PRKCB: variants seen among roughly 807,000 people sequenced by gnomAD.
The protein encoded by PRKCB is protein kinase C beta type.
A neutral mutation model predicts 81.5 loss-of-function variants in PRKCB; 13 were observed. The observed-to-expected ratio is 0.16, with a 90% CI of 0.10 to 0.25. The LOEUF (loss-of-function observed/expected upper bound fraction) is 0.25, where lower values mean the gene tolerates loss of function less well. Among genes scored for constraint, PRKCB ranks in the 10% least tolerant of loss-of-function variants. The pLI is 1.00. For missense variants in PRKCB, 509 were observed against 875.7 expected, an observed-to-expected ratio of 0.58 and a Z score of 5.29; for synonymous variants, 335 against 321.4, an observed-to-expected ratio of 1.04 and a Z score of -0.45.
rs1245040455 is a variant in PRKCB, at chr16:24,211,579, A to T, written c.1864-3079A>T. Among the ~76,000 whole-genome samples, 8 of 118,658 alleles carry T rather than the reference A, an allele frequency of 6.7e-5. No individual in the cohort carries two copies. In the South Asian group the frequency reaches 1.8e-3, roughly 27 times the overall value. 77.8% of individuals were successfully genotyped at this position (118,658 alleles called of 152,430 possible). ...TCACTTTTTTTTTTTTTTTTTTGCG[A>T]TGGAGTTTCCCTTTTGTTGCCCAGG... is the stretch of plus-strand genomic sequence containing the variant. On this transcript the variant is annotated intron_variant, in intron 16 of 16. Transcript: ENST00000643927.
intron 7 of PRKCB, among the ~76,000 whole-genome samples, chr16:24,102,582 C>T (rs1007186621): frequency 1.3e-5 from 2 of 152,208 alleles, no homozygotes; most frequent in African/African-American, 2.4e-5. Context: ...ATGTGGTGCA[C>T]CAGCCCCAGG....
intron 2 of PRKCB, among the ~76,000 whole-genome samples, chr16:23,950,324 A>G (rs1003122275): frequency 2.6e-5 from 4 of 151,388 alleles, no homozygotes; most frequent in East Asian, 1.9e-4. Flanking sequence ...CCACTCCCCA[A>G]CTGGTGCTCC....
At chr16:24,153,852 G>A (rs991993496) in intron 9 of PRKCB, among the ~76,000 whole-genome samples, 5 of 152,230 alleles carry the variant, frequency 3.3e-5, no homozygotes, top group Non-Finnish European at 5.9e-5. Flanking sequence ...AAGGGTCAGA[G>A]AACGTGCTTG....
intron 5 of PRKCB, among the ~76,000 whole-genome samples, chr16:24,048,504 T>C (rs1260124968): frequency 1.3e-5 from 2 of 151,830 alleles, no homozygotes; most frequent in African/African-American, 4.8e-5. Flanking sequence ...CTTTTTTTTT[T>C]TTTTATAACA....
At chr16:24,069,963 T>A (rs955659121) in intron 5 of PRKCB, among the ~76,000 whole-genome samples, 3 of 152,156 alleles carry the variant, frequency 2.0e-5, no homozygotes, top group Non-Finnish European at 1.5e-5. Flanking sequence ...TGGCTCACAC[T>A]GTGCTGGGCT....
intron 2 of PRKCB, among the ~76,000 whole-genome samples, chr16:23,933,600 C>A (rs553460858): frequency 6.6e-6 from 1 of 151,988 alleles, no homozygotes; most frequent in Admixed American, 6.6e-5. Flanking sequence ...GACTGGTTTG[C>A]AGAGCCTTTT....
intron 2 of PRKCB, among the ~76,000 whole-genome samples, chr16:23,905,461 C>T (rs1442339346): frequency 1.3e-5 from 2 of 152,178 alleles, no homozygotes; most frequent in African/African-American, 4.8e-5. Flanking sequence ...CTGGTTCAGT[C>T]TGCATTTTGG....
At chr16:24,151,707 G>A (rs1967081810) in intron 9 of PRKCB, 1 of 437,500 alleles carries the variant, frequency 2.3e-6, no homozygotes, top group Admixed American at 2.4e-5. Flanking sequence ...GAAAGAACAG[G>A]ATGTGGTCAT....
intron 2 of PRKCB, among the ~76,000 whole-genome samples, chr16:23,905,642 TA>T (rs773253108): frequency 3.5e-4 from 53 of 152,326 alleles, no homozygotes; most frequent in South Asian, 1.4e-3. Context: ...CAGTTTCCTG[TA>T]TTTTCTTCCA....
At chr16:24,050,812 G>A (rs563682485) in intron 5 of PRKCB, among the ~76,000 whole-genome samples, 13 of 152,246 alleles carry the variant, frequency 8.5e-5, no homozygotes, top group African/African-American at 3.1e-4. Flanking sequence ...TACTCTTTTG[G>A]GGGGTCTGGG....
chr16:24,119,499 C>A (rs369421060), intron 8 of PRKCB, among the ~76,000 whole-genome samples: 1 of 152,150 alleles, frequency 6.6e-6, no homozygotes, highest in African/African-American at 2.4e-5. Context: ...CTGGGGCAGG[C>A]AGGACTTGGA....
intron 5 of PRKCB, among the ~76,000 whole-genome samples, chr16:24,077,112 G>A (rs550694907): frequency 1.3e-5 from 2 of 152,114 alleles, no homozygotes; most frequent in South Asian, 4.2e-4. Context: ...TTCCAGTACT[G>A]AGCACAGCAT....
At chr16:23,949,225 G>A (rs1964244431) in intron 2 of PRKCB, among the ~76,000 whole-genome samples, 1 of 152,206 alleles carries the variant, frequency 6.6e-6, no homozygotes, top group South Asian at 2.1e-4. Flanking sequence ...ACAAAAGAAA[G>A]AAAGAACGAA....
At chr16:23,951,484 T>G (rs1329753422) in intron 2 of PRKCB, among the ~76,000 whole-genome samples, 1 of 151,992 alleles carries the variant, frequency 6.6e-6, no homozygotes, top group Non-Finnish European at 1.5e-5. Context: ...GGGTACAGTG[T>G]CCAGATCACA....
At chr16:23,961,822 T>G (rs1303845059) in intron 2 of PRKCB, among the ~76,000 whole-genome samples, 3 of 152,138 alleles carry the variant, frequency 2.0e-5, no homozygotes, top group East Asian at 3.9e-4. Flanking sequence ...ATGTCAGTGC[T>G]CAAAAGGTTT....
In PRKCB at chr16:24,180,764, T is replaced by A. The variant is rs2141972320; in HGVS notation, c.1395-26T>A. ...TTGAAATGCATAGCGTTTAATTAAA[T>A]CTCTAAATTCTTGTGTCTGCCATAG... On this transcript the variant is annotated intron_variant, in intron 12 of 16. Coordinates refer to ENST00000643927, the MANE Select transcript of PRKCB (RefSeq NM_002738.7). The A allele has an allele frequency of 1.9e-6, 3 of 1,609,846 alleles. No individual in the cohort carries two copies. In the East Asian group the frequency reaches 6.7e-5, roughly 36 times the overall value.
intron 2 of PRKCB, among the ~76,000 whole-genome samples, chr16:23,878,800 C>T (rs1034001471): frequency 1.3e-5 from 2 of 152,202 alleles, no homozygotes; most frequent in South Asian, 4.1e-4. Flanking sequence ...TGGAGGTAAA[C>T]AGCTCTCTGC....
chr16:23,967,052 C>CA (rs1012429382), intron 2 of PRKCB, among the ~76,000 whole-genome samples: 1 of 151,260 alleles, frequency 6.6e-6, no homozygotes, highest in Non-Finnish European at 1.5e-5. Context: ...GCTGTGAACC[C>CA]AAGAGCCAGT....
chr16:23,859,814 C>T (rs1962632365), intron 2 of PRKCB, among the ~76,000 whole-genome samples: 1 of 151,780 alleles, frequency 6.6e-6, no homozygotes, highest in South Asian at 2.1e-4. Context: ...GAAAGACCTC[C>T]AGGTTCCCAA....
Sources: gnomAD v4.1 joint callset for allele counts (sites outside exome capture counted in the v4.1 genomes callset) on GRCh38, gnomAD v4.1.1 for gene constraint, MANE v1.5 for transcripts, NCBI Gene and HGNC (gene_info 2026-07-23, HGNC 2026-07-21) for gene names.